Variants in WNT3A observed in about 807,000 individuals in gnomAD.
WNT3A encodes the protein Wnt family member 3A.
WNT3A carries 17 observed loss-of-function variants against 37.0 expected under a neutral mutation model. The observed-to-expected ratio is 0.46, with a 90% CI of 0.31 to 0.69. The LOEUF (loss-of-function observed/expected upper bound fraction) is 0.69. Ranked by LOEUF, WNT3A falls within the 30% of genes least tolerant of loss-of-function variation. The pLI is 0.05. For missense variants in WNT3A, 411 were observed against 510.2 expected (o/e 0.81, Z 1.87); for synonymous variants, 187 against 211.0 (o/e 0.89, Z 0.99).
chr1:228,019,205 C>T (rs1037167004), intron 1 of WNT3A, among the ~76,000 whole-genome samples: 2 of 152,196 alleles, frequency 1.3e-5, no homozygotes, highest in African/African-American at 2.4e-5. Context: ...TATCTAGAGA[C>T]CAGGGACAAG....
rs2031782225 is a variant in WNT3A at position 228,060,501 on chromosome 1, G to C, written c.*1036G>C. 2.9e-6 allele frequency: 1 copy of C among 350,736 alleles called. No individual in the cohort carries two copies. Among genetic ancestry groups the C allele is most frequent in the African/African-American group, 2.2e-5 (1 of 46,486 alleles). 21.7% of individuals were successfully genotyped at this position (350,736 alleles called of 1,614,324 possible). ...GCCCCCAACCCCAAGACCAAGCTTA[G>C]TCCTGGGAGAGGACAGGGACTTCGC... On this transcript the variant is annotated 3_prime_UTR_variant, in exon 4 of 4. Transcript: ENST00000284523.
At chr1:228,046,249 G>A (rs996448607) in intron 2 of WNT3A, among the ~76,000 whole-genome samples, 6 of 152,260 alleles carry the variant, frequency 3.9e-5, no homozygotes, top group South Asian at 2.1e-4. Flanking sequence ...AGTGTGTTGC[G>A]AGGGAGAGGT....
chr1:228,053,631 GA>G (rs1262152935), intron 3 of WNT3A, among the ~76,000 whole-genome samples: 3 of 151,316 alleles, frequency 2.0e-5, no homozygotes, highest in Non-Finnish European at 2.9e-5. Context: ...TGCAGACTAA[GA>G]AAAAAAAGAT....
rs2031756954 is a variant in WNT3A at position 228,059,730 on chromosome 1, C to T, written c.*265C>T. 1 of 1,304,338 alleles carries T rather than the reference C, an allele frequency of 7.7e-7. No homozygotes were observed. Among genetic ancestry groups the T allele is most frequent in the Non-Finnish European group, 9.7e-7 (1 of 1,030,348 alleles). The allele number at this position is 1,304,338 out of a possible 1,614,324, so 80.8% of individuals were successfully genotyped here. ...GGGGAGGGGCTCTGCGTTGGCTTCT[C>T]CCTGGGGACGGGGCTCCCCTGGACA... is the stretch of plus-strand genomic sequence containing the variant. On this transcript the variant is annotated 3_prime_UTR_variant, in exon 4 of 4. Coordinates refer to ENST00000284523, the MANE Select transcript of WNT3A (RefSeq NM_033131.4).
Position 228,059,700 on chromosome 1 carries a change from A to G in WNT3A, c.*235A>G. On this transcript the variant is annotated 3_prime_UTR_variant, in exon 4 of 4. Coordinates refer to ENST00000284523, the MANE Select transcript of WNT3A (RefSeq NM_033131.4). ...CTGCTCCTGAATGAGGCGGAGCTCC[A>G]GGATGGGGAGGGGCTCTGCGTTGGC... 1.5e-6 allele frequency: 2 copies of G among 1,330,786 alleles called. No individual in the cohort carries two copies. Among genetic ancestry groups the G allele is most frequent in the Non-Finnish European group, 1.9e-6 (2 of 1,046,718 alleles). 82.4% of individuals were successfully genotyped at this position (1,330,786 alleles called of 1,614,324 possible).
In WNT3A at chr1:228,060,120, G is replaced by T; in HGVS notation, c.*655G>T. The T allele has an allele frequency of 7.6e-7, 1 of 1,317,296 alleles. No homozygotes were observed. The highest frequency in any genetic ancestry group is 2.0e-5 in the Admixed American group (1 of 49,164). The allele number at this position is 1,317,296 out of a possible 1,614,324, so 81.6% of individuals were successfully genotyped here. A position where few individuals can be genotyped will look rare whatever the true frequency, so the allele number is the denominator to read the frequency against. On this transcript the variant is annotated 3_prime_UTR_variant, in exon 4 of 4. Coordinates refer to ENST00000284523, the MANE Select transcript of WNT3A (RefSeq NM_033131.4). The stretch of plus-strand genomic sequence containing the variant: ...GTGGGTGGGGCTTCTCTGGGACCAG[G>T]CTCCAATGGGGCGGGGCTTCTCTCC...
intron 2 of WNT3A, among the ~76,000 whole-genome samples, chr1:228,046,372 T>C (rs1009416624): frequency 1.3e-5 from 2 of 151,744 alleles, no homozygotes; most frequent in Admixed American, 6.6e-5. Context: ...GTTGTGAATG[T>C]ATATGTGCAT....
intron 1 of WNT3A, among the ~76,000 whole-genome samples, chr1:228,010,716 G>C (rs1571789932): frequency 6.6e-6 from 1 of 152,248 alleles, no homozygotes; most frequent in Non-Finnish European, 1.5e-5. Flanking sequence ...TGCAGTGTGG[G>C]CTGTGTCCAG....
intron 3 of WNT3A, among the ~76,000 whole-genome samples, chr1:228,054,347 G>A (rs2031621200): frequency 6.6e-6 from 1 of 152,150 alleles, no homozygotes; most frequent in South Asian, 2.1e-4. Flanking sequence ...AATGTTGGCT[G>A]GGCGTGGTGG....
chr1:228,033,499 CT>C (rs1156606197), intron 2 of WNT3A, among the ~76,000 whole-genome samples: 1 of 152,164 alleles, frequency 6.6e-6, no homozygotes, highest in Non-Finnish European at 1.5e-5. Flanking sequence ...TATCTCTGTG[CT>C]CTTTATTCTA....
chr1:228,060,182 T>G lies in WNT3A; in HGVS notation c.*717T>G. The G allele has an allele frequency of 7.4e-7, 1 of 1,351,558 alleles. No homozygotes were observed. Among genetic ancestry groups the G allele is most frequent in the Non-Finnish European group, 9.8e-7 (1 of 1,021,416 alleles). 83.7% of individuals were successfully genotyped at this position (1,351,558 alleles called of 1,614,324 possible). Reference sequence around the variant, plus strand: ...TCTTCCCTGGGAACCGCCCTCCTGATTAAGGCGTGGCTTCTGCAGGAATCC... The same window carrying G: ...TCTTCCCTGGGAACCGCCCTCCTGAGTAAGGCGTGGCTTCTGCAGGAATCC... On this transcript the variant is annotated 3_prime_UTR_variant, in exon 4 of 4. Coordinates refer to ENST00000284523, the MANE Select transcript of WNT3A (RefSeq NM_033131.4).
chr1:228,036,905 T>C (rs763443237), intron 2 of WNT3A, among the ~76,000 whole-genome samples: 7 of 152,176 alleles, frequency 4.6e-5, no homozygotes, highest in Admixed American at 2.0e-4. Flanking sequence ...AGGTGGGGCA[T>C]GTGCTCCTTA....
At chr1:228,023,502 T>C (rs535061501) in intron 2 of WNT3A, among the ~76,000 whole-genome samples, 6 of 139,978 alleles carry the variant, frequency 4.3e-5, no homozygotes, top group Middle Eastern at 4.0e-3. Context: ...CACAGAGGAA[T>C]AGAAAGACAG....
intron 1 of WNT3A, among the ~76,000 whole-genome samples, chr1:228,019,360 G>A (rs569429004): frequency 5.3e-5 from 8 of 152,330 alleles, no homozygotes; most frequent in Admixed American, 5.2e-4. Flanking sequence ...GGAAATGGCC[G>A]CATCCCCCAG....
intron 2 of WNT3A, among the ~76,000 whole-genome samples, chr1:228,049,442 A>G (rs74143629): frequency 0.014 from 2,144 of 152,320 alleles, 39 homozygotes; most frequent in East Asian, 0.045. Flanking sequence ...CATCCCTGTT[A>G]ATGGACATTG....
At chr1:228,016,427 C>T (rs1489180144) in intron 1 of WNT3A, among the ~76,000 whole-genome samples, 1 of 152,110 alleles carries the variant, frequency 6.6e-6, no homozygotes, top group Non-Finnish European at 1.5e-5. Flanking sequence ...TTCCAACAGT[C>T]CCAAAGCTGC....
intron 1 of WNT3A, among the ~76,000 whole-genome samples, chr1:228,017,183 A>C (rs1203143411): frequency 1.3e-5 from 2 of 152,096 alleles, no homozygotes; most frequent in African/African-American, 4.8e-5. Flanking sequence ...AGTGCCACCT[A>C]TCCAGGTCCT....
intron 2 of WNT3A, among the ~76,000 whole-genome samples, chr1:228,043,217 A>C (rs943527441): frequency 6.6e-6 from 1 of 152,230 alleles, no homozygotes; most frequent in Non-Finnish European, 1.5e-5. Flanking sequence ...TACTTCCCTT[A>C]CAGAACAATT....
intron 2 of WNT3A, among the ~76,000 whole-genome samples, chr1:228,049,566 G>A (rs1161395599): frequency 1.3e-5 from 2 of 152,118 alleles, no homozygotes; most frequent in African/African-American, 2.4e-5. Flanking sequence ...TGAAGACACT[G>A]CCAAAGTGCC....
Sources: gnomAD v4.1 joint callset for allele counts (sites outside exome capture counted in the v4.1 genomes callset) on GRCh38, gnomAD v4.1.1 for gene constraint, MANE v1.5 for transcripts, NCBI Gene and HGNC (gene_info 2026-07-23, HGNC 2026-07-21) for gene names.